BANK1: variants seen among roughly 807,000 people sequenced by gnomAD.
The protein encoded by BANK1 is B-cell scaffold protein with ankyrin repeats.
BANK1 carries 95 observed loss-of-function variants against 94.5 expected under a neutral mutation model. The ratio of observed to expected loss-of-function variants is 1.00; its 90% CI spans 0.85 to 1.19. The LOEUF is 1.19. Ranked by LOEUF, BANK1 falls within the 50% of genes most tolerant of loss-of-function variation. The pLI is 0.00. For synonymous variants in BANK1, 334 were observed against 308.4 expected (o/e 1.08, Z -0.87); for missense variants, 987 against 932.2 (o/e 1.06, Z -0.77).
chr4:102,057,227 T>TCTCTCTCTCTCTTG (rs1193497862), intron 11 of BANK1, among the ~76,000 whole-genome samples: 14 of 151,938 alleles, frequency 9.2e-5, no homozygotes, highest in Non-Finnish European at 1.9e-4. Flanking sequence ...TCTCGCTCTC[T>TCTCTCTCTCTCTTG]CTCTCTCTCT....
At chr4:101,833,810 T>G (rs17031689) in intron 2 of BANK1, among the ~76,000 whole-genome samples, 10,022 of 152,236 alleles carry the variant, frequency 0.066, 1,125 homozygotes, top group African/African-American at 0.23. Context: ...AGGGGAAATA[T>G]TCACAGTACA....
Position 101,918,113 on chromosome 4 carries a change from T to C in BANK1, c.1130T>C (p.Met377Thr), listed in dbSNP as rs2148900143. The C allele has an allele frequency of 6.2e-7, 1 of 1,612,296 alleles. No homozygotes were observed. The highest frequency in any genetic ancestry group is 1.1e-5 in the South Asian group (1 of 90,940). ...GATWASKMKNMEGSDPAHIAE... is the reference protein window; with the variant it reads ...GATWASKMKNTEGSDPAHIAE... The stretch of plus-strand genomic sequence containing the variant: ...ACCTGGGCATCTAAGATGAAAAATA[T>C]GGAGGGTTCAGACCCCGCACATATT... Residue 377 changes from methionine to threonine, a missense_variant, in exon 7 of 17, where the codon ATG (methionine) becomes ACG (threonine). Met to Thr is a moderately conservative substitution (Grantham distance 81, BLOSUM62 -1). Transcript: ENST00000322953.
chr4:101,832,827 A>G (rs1032893755), intron 2 of BANK1, among the ~76,000 whole-genome samples: 2 of 151,842 alleles, frequency 1.3e-5, no homozygotes, highest in Non-Finnish European at 1.5e-5. Flanking sequence ...CCCCATCTCC[A>G]TTGGTTTTCT....
chr4:102,026,407 T>A (rs958977099), intron 9 of BANK1, among the ~76,000 whole-genome samples: 14 of 152,094 alleles, frequency 9.2e-5, no homozygotes, highest in African/African-American at 3.4e-4. Context: ...ATTTTCACTA[T>A]AATTTAGTTG....
intron 1 of BANK1, among the ~76,000 whole-genome samples, chr4:101,829,199 T>C (rs1229577070): frequency 6.6e-6 from 1 of 152,190 alleles, no homozygotes; most frequent in South Asian, 2.1e-4. Flanking sequence ...TGGAGCCTGA[T>C]TGTTTCACAT....
intron 2 of BANK1, among the ~76,000 whole-genome samples, chr4:101,837,710 G>A (rs1191266642): frequency 6.6e-6 from 1 of 151,448 alleles, no homozygotes; most frequent in Non-Finnish European, 1.5e-5. Context: ...CATGTATATT[G>A]AAGAATGAAA....
Position 102,073,708 on chromosome 4 carries a change from A to G in BANK1, c.2323A>G (p.Lys775Glu), listed in dbSNP as rs765801984. 6.8e-6 allele frequency: 11 copies of G among 1,611,806 alleles called. No individual in the cohort carries two copies. The South Asian group carries it at 1.1e-4, about 16-fold the overall frequency. Residue 775 changes from lysine to glutamate, a missense_variant, in exon 16 of 17, where the codon AAG (lysine) becomes GAG (glutamate). Coordinates refer to ENST00000322953, the MANE Select transcript of BANK1 (RefSeq NM_017935.5). ...GCTTCCTGCTCGACCCCAAGTTGAA[A>G]AGGAATTTGGTTTCTGTTGCAAGAA... ...NKLPARPQVE[K>E]EFGFCCKKDH
intron 7 of BANK1, among the ~76,000 whole-genome samples, chr4:101,987,962 A>G (rs1047106384): frequency 1.4e-4 from 22 of 152,142 alleles, no homozygotes; most frequent in Admixed American, 1.4e-3. Flanking sequence ...TGCAGAAGTG[A>G]TCATAGAAGC....
intron 7 of BANK1, chr4:101,981,786 A>G (rs891912347): frequency 2.0e-5 from 3 of 152,106 alleles, no homozygotes; most frequent in East Asian, 3.9e-4. Context: ...TCAGTGAGTC[A>G]GCTTTGAAGA....
chr4:102,058,906 A>C (rs1461982619), intron 11 of BANK1, among the ~76,000 whole-genome samples: 7 of 152,150 alleles, frequency 4.6e-5, no homozygotes, highest in Admixed American at 6.6e-5. Flanking sequence ...TGTGCACGTG[A>C]ATCTTTTTGG....
chr4:101,999,330 C>G (rs1235959719), intron 7 of BANK1, among the ~76,000 whole-genome samples: 1 of 152,042 alleles, frequency 6.6e-6, no homozygotes, highest in African/African-American at 2.4e-5. Flanking sequence ...TTCTTTTTTT[C>G]TCCACCTTCA....
intron 11 of BANK1, among the ~76,000 whole-genome samples, chr4:102,059,757 T>C (rs1728350171): frequency 6.6e-6 from 1 of 152,222 alleles, no homozygotes; most frequent in South Asian, 2.1e-4. Flanking sequence ...TTTTGTGACA[T>C]TTGGATGTTG....
intron 7 of BANK1, among the ~76,000 whole-genome samples, chr4:102,016,601 C>T (rs578125062): frequency 1.1e-4 from 16 of 152,148 alleles, no homozygotes; most frequent in Non-Finnish European, 2.1e-4. Flanking sequence ...TTGTAATTTC[C>T]ATCATCAGGG....
At chr4:101,961,422 T>A (rs1724567358) in intron 7 of BANK1, among the ~76,000 whole-genome samples, 2 of 152,198 alleles carry the variant, frequency 1.3e-5, no homozygotes, top group South Asian at 4.1e-4. Flanking sequence ...CCACTGGCAC[T>A]AAGCTGCCAA....
At chr4:101,893,838 T>A (rs1721966437) in intron 5 of BANK1, among the ~76,000 whole-genome samples, 1 of 152,084 alleles carries the variant, frequency 6.6e-6, no homozygotes, top group Admixed American at 6.6e-5. Context: ...AAACAATTAC[T>A]CATTGAGTAC....
chr4:101,929,127 G>A (rs1027667591), intron 7 of BANK1, among the ~76,000 whole-genome samples: 4 of 151,658 alleles, frequency 2.6e-5, no homozygotes, highest in Admixed American at 2.0e-4. Context: ...TCAACCTGAT[G>A]TCCATACAAT....
intron 7 of BANK1, among the ~76,000 whole-genome samples, chr4:102,003,021 A>G (rs1726130852): frequency 6.6e-6 from 1 of 152,176 alleles, no homozygotes; most frequent in South Asian, 2.1e-4. Context: ...TCGGCCTCCC[A>G]AAGTACTGGG....
intron 7 of BANK1, among the ~76,000 whole-genome samples, chr4:101,962,226 G>T (rs1018222330): frequency 2.6e-5 from 4 of 152,048 alleles, no homozygotes; most frequent in African/African-American, 4.8e-5. Flanking sequence ...AAGTGACATG[G>T]TTCAACCCCT....
chr4:101,799,921 C>T (rs11938245), intron 1 of BANK1, among the ~76,000 whole-genome samples: 40,880 of 151,646 alleles, frequency 0.27, 5,831 homozygotes, highest in Non-Finnish European at 0.32. Context: ...AAATGTTGCA[C>T]GTATACACCA....
Sources: gnomAD v4.1 joint callset for allele counts (sites outside exome capture counted in the v4.1 genomes callset) on GRCh38, gnomAD v4.1.1 for gene constraint, MANE v1.5 for transcripts, NCBI Gene and HGNC (gene_info 2026-07-23, HGNC 2026-07-21) for gene names.